ADAMTSL1: variants seen among roughly 807,000 people sequenced by gnomAD.
The protein encoded by ADAMTSL1 is ADAMTS-like protein 1.
In ADAMTSL1, 126 loss-of-function variants were observed where a neutral mutation model predicts 201.8. The ratio of observed to expected loss-of-function variants is 0.62; its 90% CI spans 0.54 to 0.72. The LOEUF is 0.72. Ranked by LOEUF, ADAMTSL1 falls within the 30% of genes least tolerant of loss-of-function variation. The pLI is 0.00. For missense variants in ADAMTSL1, 2,679 were observed against 2,277.8 expected (o/e 1.18, Z -3.59); for synonymous variants, 1,121 against 903.4 (o/e 1.24, Z -4.32).
intron 2 of ADAMTSL1, among the ~76,000 whole-genome samples, chr9:18,277,107 A>T (rs1832615413): frequency 6.6e-6 from 1 of 152,362 alleles, no homozygotes; most frequent in East Asian, 1.9e-4. Flanking sequence ...GCTAGAAAAG[A>T]TACTTGATAT....
intron 2 of ADAMTSL1, among the ~76,000 whole-genome samples, chr9:18,299,112 G>A (rs1467795508): frequency 2.0e-5 from 3 of 152,024 alleles, no homozygotes; most frequent in Non-Finnish European, 4.4e-5. Flanking sequence ...TGTGACATAA[G>A]TACCGTTGTT....
chr9:18,687,064 G>T (rs1331288311), intron 13 of ADAMTSL1, among the ~76,000 whole-genome samples: 1 of 152,150 alleles, frequency 6.6e-6, no homozygotes, highest in East Asian at 1.9e-4. Flanking sequence ...GAGTGCTGGT[G>T]CAGGGTAAGG....
At chr9:18,133,518 C>A (rs781312325) in intron 1 of ADAMTSL1, among the ~76,000 whole-genome samples, 3 of 152,136 alleles carry the variant, frequency 2.0e-5, no homozygotes, top group Non-Finnish European at 4.4e-5. Context: ...ATTTTCAGTC[C>A]TGGCTGCACA....
chr9:17,953,121 A>T (rs564651368), intron 1 of ADAMTSL1, among the ~76,000 whole-genome samples: 1 of 152,266 alleles, frequency 6.6e-6, no homozygotes, highest in Non-Finnish European at 1.5e-5. Flanking sequence ...CCATGGAGAA[A>T]GCTTTGTCAC....
At chr9:18,836,467 C>A (rs1203333127) in intron 23 of ADAMTSL1, among the ~76,000 whole-genome samples, 1 of 151,934 alleles carries the variant, frequency 6.6e-6, no homozygotes, top group Non-Finnish European at 1.5e-5. Flanking sequence ...TGCTTTGTTT[C>A]AATTACTTTT....
At chr9:18,454,044 C>T (rs1367784012) in intron 2 of ADAMTSL1, among the ~76,000 whole-genome samples, 2 of 152,162 alleles carry the variant, frequency 1.3e-5, no homozygotes, top group Non-Finnish European at 2.9e-5. Context: ...ATGCAAGAGG[C>T]ATATTAGGGG....
chr9:18,854,801 C>T (rs1826740518), intron 23 of ADAMTSL1, among the ~76,000 whole-genome samples: 1 of 152,142 alleles, frequency 6.6e-6, no homozygotes, highest in Admixed American at 6.5e-5. Context: ...TGTTCAGTGA[C>T]ATGGACCATA....
At chr9:18,854,262 C>G (rs1020832850) in intron 23 of ADAMTSL1, among the ~76,000 whole-genome samples, 11 of 152,120 alleles carry the variant, frequency 7.2e-5, no homozygotes, top group Admixed American at 3.3e-4. Context: ...ACCCCTTCCT[C>G]TCCTTATTGC....
intron 2 of ADAMTSL1, among the ~76,000 whole-genome samples, chr9:18,386,135 T>C (rs1587038490): frequency 6.6e-6 from 1 of 152,218 alleles, no homozygotes; most frequent in African/African-American, 2.4e-5. Context: ...GTTGCAGGAC[T>C]AGTGTTCTTT....
At chr9:18,199,612 C>T (rs948510809) in intron 2 of ADAMTSL1, among the ~76,000 whole-genome samples, 1 of 151,982 alleles carries the variant, frequency 6.6e-6, no homozygotes, top group African/African-American at 2.4e-5. Context: ...AAAGTTATAC[C>T]TCCTGTGGCT....
At chr9:18,046,228 A>G (rs1821651564) in intron 1 of ADAMTSL1, among the ~76,000 whole-genome samples, 1 of 152,182 alleles carries the variant, frequency 6.6e-6, no homozygotes, top group South Asian at 2.1e-4. Flanking sequence ...GAGACTCAAA[A>G]CAAGAGCGAC....
chr9:18,067,179 G>C (rs1293391548), intron 1 of ADAMTSL1, among the ~76,000 whole-genome samples: 3 of 152,168 alleles, frequency 2.0e-5, no homozygotes, highest in Non-Finnish European at 1.5e-5. Flanking sequence ...TGACTCTTTA[G>C]ATTCCAATCC....
intron 20 of ADAMTSL1, among the ~76,000 whole-genome samples, chr9:18,796,000 A>T (rs537456766): frequency 2.7e-4 from 41 of 152,270 alleles, no homozygotes; most frequent in African/African-American, 9.9e-4. Flanking sequence ...CTTCTCTCTG[A>T]GTCTGCTTTA....
At chr9:18,587,940 G>T (rs1205229991) in intron 4 of ADAMTSL1, among the ~76,000 whole-genome samples, 1 of 152,198 alleles carries the variant, frequency 6.6e-6, no homozygotes, top group African/African-American at 2.4e-5. Flanking sequence ...ACATGGGAAT[G>T]CAGGTATCTC....
chr9:17,976,318 A>G (rs1391173678), intron 1 of ADAMTSL1, among the ~76,000 whole-genome samples: 1 of 151,992 alleles, frequency 6.6e-6, no homozygotes, highest in Non-Finnish European at 1.5e-5. Context: ...TTTGGGTAGT[A>G]TGGGCAATTT....
intron 1 of ADAMTSL1, among the ~76,000 whole-genome samples, chr9:17,977,814 G>C (rs67459887): frequency 0.034 from 5,201 of 152,112 alleles, 114 homozygotes; most frequent in Middle Eastern, 0.072. Flanking sequence ...CTGTTGAATA[G>C]ATGTTCTATA....
chr9:18,539,392 A>G (rs577914980), intron 3 of ADAMTSL1, among the ~76,000 whole-genome samples: 25 of 152,368 alleles, frequency 1.6e-4, no homozygotes, highest in African/African-American at 5.8e-4. Context: ...GTGCTAAGTC[A>G]TGGAAGGACC....
At chr9:18,379,040 G>A (rs1000447687) in intron 2 of ADAMTSL1, among the ~76,000 whole-genome samples, 9 of 152,280 alleles carry the variant, frequency 5.9e-5, no homozygotes, top group African/African-American at 2.2e-4. Context: ...AGAAACATGA[G>A]GGAGCCTCTA....
intron 1 of ADAMTSL1, among the ~76,000 whole-genome samples, chr9:17,987,184 A>T (rs1490716375): frequency 6.6e-6 from 1 of 152,122 alleles, no homozygotes; most frequent in Non-Finnish European, 1.5e-5. Flanking sequence ...AGGAATCTAA[A>T]GTAATGGCAG....
Sources: gnomAD v4.1 joint callset for allele counts (sites outside exome capture counted in the v4.1 genomes callset) on GRCh38, gnomAD v4.1.1 for gene constraint, MANE v1.5 for transcripts, NCBI Gene and HGNC (gene_info 2026-07-23, HGNC 2026-07-21) for gene names.